Variants in UBR4 observed in about 807,000 individuals in gnomAD.
UBR4 encodes the protein ubiquitin protein ligase E3 component n-recognin 4.
A neutral mutation model predicts 575.6 loss-of-function variants in UBR4; 124 were observed. That is an observed-to-expected ratio of 0.22 (90% CI 0.19 to 0.25). The LOEUF is 0.25. UBR4 is among the 10% of genes least tolerant of loss of function. UBR4 has a pLI of 1.00. For missense variants in UBR4, 4,818 were observed against 6,478.8 expected (o/e 0.74, Z 8.80); for synonymous variants, 2,455 against 2,473.7 (o/e 0.99, Z 0.22).
At chr1:19,167,327 G>C (rs2088671015) in intron 28 of UBR4, 96 bp from the exon 29 acceptor site, 1 of 1,370,520 alleles carries the variant, frequency 7.3e-7, no homozygotes, top group Non-Finnish European at 1.0e-6. Context: ...CGGGGAAGAG[G>C]GGAAGGGGAA....
intron 83 of UBR4, 101 bp from the exon 84 acceptor site, chr1:19,105,943 T>C: frequency 4.2e-6 from 3 of 717,406 alleles, no homozygotes; most frequent in South Asian, 2.5e-5. Context: ...GGAGAGGTCT[T>C]CTGGGCACCT....
rs997670325 is a variant in UBR4 at position 19,187,197 on chromosome 1, C to T, written c.1599G>A (p.Leu533=). 5.0e-6 allele frequency: 8 copies of T among 1,613,038 alleles called. No individual in the cohort carries two copies. The Admixed American group carries it at 5.0e-5, about 10-fold the overall frequency. The change falls in exon 13 of 106, where the codon CTG becomes CTA. Residue 533 remains leucine, a synonymous_variant. Coordinates refer to ENST00000375254, the MANE Select transcript of UBR4 (RefSeq NM_020765.3). ...RLIDSVPLMN[L]LLTLLSTSYR... ...AGGAAGTTGAAAGTAACGTCAAGAGCAGGTTCATCAGTGGGACAGAGTCAA... is the reference window on the plus strand; with the variant it reads ...AGGAAGTTGAAAGTAACGTCAAGAGTAGGTTCATCAGTGGGACAGAGTCAA...
Position 19,086,713 on chromosome 1 carries a change from T to C in UBR4, c.14653A>G (p.Ile4885Val), listed in dbSNP as rs140045764. 2 of 1,614,156 alleles carry C rather than the reference T, an allele frequency of 1.2e-6. No individual in the cohort carries two copies. Among genetic ancestry groups the C allele is most frequent in the South Asian group, 1.1e-5 (1 of 91,078 alleles). Residue 4885 changes from isoleucine (I) to valine (V), a missense_variant, in exon 100 of 106, where the codon ATT (isoleucine) becomes GTT (valine). By Grantham distance (29) the Ile-to-Val change is conservative. Around this residue, in one of 29 missense-constraint regions of UBR4, gnomAD observed 196 missense variants for 386.8 expected, o/e 0.51. Transcript: ENST00000375254. ...QGYSTVSHFN[I>V]VHYDCHLAAV... is the part of the protein sequence containing the mutation. ...GCCAGATGGCAGTCGTAGTGCACAA[T>C]GTTGAAGTGGGACACGGTGCTGTAG...
rs140284259 is a variant in UBR4 at position 19,149,647 on chromosome 1, AAAG to A, written c.7430+927_7430+929del. On this transcript the variant is annotated intron_variant, in intron 49 of 105. Transcript: ENST00000375254. Reference sequence around the variant, plus strand: ...TGTAGCCATGCAATGACCAGAACAGAAAGAAGCAGGAAGACTCTTCAACAGAAG... The same window carrying A: ...TGTAGCCATGCAATGACCAGAACAGAAAGCAGGAAGACTCTTCAACAGAAG... 1.7e-4 allele frequency: 167 copies of A among 965,554 alleles called. No homozygotes were observed. In the African/African-American group the frequency reaches 2.8e-3, roughly 16 times the overall value. 59.8% of individuals were successfully genotyped at this position (965,554 alleles called of 1,614,324 possible). A position where few individuals can be genotyped will look rare whatever the true frequency, so the allele number is the denominator to read the frequency against.
intron 49 of UBR4, chr1:19,149,759 T>C (rs1268107292): frequency 1.5e-6 from 2 of 1,300,436 alleles, no homozygotes; most frequent in Admixed American, 4.7e-5. Context: ...GAGGGCATAC[T>C]AACCGGTCCA....
At chr1:19,082,713 G>A (rs2076640168) in intron 102 of UBR4, among the ~76,000 whole-genome samples, 1 of 152,220 alleles carries the variant, frequency 6.6e-6, no homozygotes, top group South Asian at 2.1e-4. Context: ...GGAGGAGAGG[G>A]TGCAAGGACA....
In UBR4 at chr1:19,156,414, C is replaced by G. The variant is rs756942749; in HGVS notation, c.5929G>C (p.Val1977Leu). The G allele has an allele frequency of 1.2e-6, 2 of 1,614,032 alleles. No homozygotes were observed. The highest frequency in any genetic ancestry group is 1.6e-4 in the Middle Eastern group (1 of 6,062). ...LAVCGLKDCH[V>L]LTFSSSGSVS... ...GAGCCTGAGCTACTAAAGGTGAGCA[C>G]ATGACAGTCCTGGACAATGTTTAAG... Residue 1977 changes from valine (V) to leucine (L), a missense_variant, in exon 42 of 106, where the codon GTG becomes CTG. Physicochemically the swap from Val to Leu is conservative, Grantham distance 32 (BLOSUM62 1). This residue lies in a region of UBR4 where 461 missense variants were observed against 606.9 expected (regional missense o/e 0.76). Coordinates refer to ENST00000375254, the MANE Select transcript of UBR4 (RefSeq NM_020765.3).
intron 22 of UBR4, among the ~76,000 whole-genome samples, chr1:19,174,085 G>A (rs936076318): frequency 1.3e-5 from 2 of 152,058 alleles, no homozygotes; most frequent in African/African-American, 4.8e-5. Flanking sequence ...CTTGGGGGGG[G>A]ACCACTAACT....
At chr1:19,078,128 G>T in intron 103 of UBR4, 62 bp from the exon 104 acceptor site, 1 of 1,533,558 alleles carries the variant, frequency 6.5e-7, no homozygotes, top group East Asian at 2.3e-5. Context: ...CAAGGACAGA[G>T]CAAGGCATGC....
At chr1:19,209,923 C>A (rs1188577629) in intron 1 of UBR4, 150 bp downstream of exon 1, 8 of 1,319,176 alleles carry the variant, frequency 6.1e-6, no homozygotes, top group Non-Finnish European at 7.8e-6. Context: ...CCAGGCAAGC[C>A]AGTCTCCCCG....
Position 19,117,736 on chromosome 1 carries a change from A to T in UBR4, c.10629+87T>A. On this transcript the variant is annotated intron_variant, in intron 72 of 105. Transcript: ENST00000375254. The surrounding 1 kb of genome is among the most constrained non-coding windows in gnomAD (Gnocchi z 4.0). ...GGTGACCAACCATTAGGAGAGGAACATCTATGTGATAATGATCCATCTCTG... is the reference window on the plus strand; with the variant it reads ...GGTGACCAACCATTAGGAGAGGAACTTCTATGTGATAATGATCCATCTCTG... 7.8e-7 allele frequency: 1 copy of T among 1,278,808 alleles called. No individual in the cohort carries two copies. Among genetic ancestry groups the T allele is most frequent in the Non-Finnish European group, 1.1e-6 (1 of 884,236 alleles). The allele number at this position is 1,278,808 out of a possible 1,614,324, so 79.2% of individuals were successfully genotyped here.
chr1:19,112,712 C>T lies in UBR4; in HGVS notation c.11613G>A (p.Lys3871=), dbSNP rs1397020669. The stretch of plus-strand genomic sequence containing the variant: ...TGACAGCCGAGGCGCAGCCATAGCA[C>T]TTGGTGGAGGATGTGTGGCCACAGC... ...VLGCGHTSST[K]CYGCASAVTE... The change falls in exon 78 of 106, where the codon AAG becomes AAA. Residue 3871 remains lysine, a synonymous_variant. Coordinates refer to ENST00000375254, the MANE Select transcript of UBR4 (RefSeq NM_020765.3). The T allele has an allele frequency of 1.2e-6, 2 of 1,614,120 alleles. No homozygotes were observed. Among genetic ancestry groups the T allele is most frequent in the Non-Finnish European group, 1.7e-6 (2 of 1,180,054 alleles).
At chr1:19,105,923 CACCCATCTAGGAGAGGT>C in intron 83 of UBR4, 81 bp from the exon 84 acceptor site, 1 of 1,078,398 alleles carries the variant, frequency 9.3e-7, no homozygotes, top group Non-Finnish European at 1.3e-6. Context: ...AGTCAACTGC[CACCCATCTAGGAGAGGT>C]CTTCTGGGCA....
intron 11 of UBR4, among the ~76,000 whole-genome samples, chr1:19,188,977 A>G (rs889662592): frequency 6.6e-6 from 1 of 152,204 alleles, no homozygotes; most frequent in Non-Finnish European, 1.5e-5. Flanking sequence ...TGTAAAAATA[A>G]TAATAAAAAA....
chr1:19,074,744 G>A lies in UBR4; in HGVS notation c.*88C>T, dbSNP rs888615698. ...GGGCGGGGTAACAATGCAGCATCCC[G>A]CGGAGGGAACTTAATGCACAAGGAG... On this transcript the variant is annotated 3_prime_UTR_variant, in exon 106 of 106. Coordinates refer to ENST00000375254, the MANE Select transcript of UBR4 (RefSeq NM_020765.3). 34 of 1,465,576 alleles carry A rather than the reference G, an allele frequency of 2.3e-5. No homozygotes were observed. Among genetic ancestry groups the A allele is most frequent in the Admixed American group, 1.9e-4 (10 of 53,440 alleles). 90.8% of individuals were successfully genotyped at this position (1,465,576 alleles called of 1,614,324 possible).
At chr1:19,107,045 C>T (rs2079288628) in intron 81 of UBR4, 79 bp from the exon 82 acceptor site, 9 of 1,562,558 alleles carry the variant, frequency 5.8e-6, no homozygotes, top group Non-Finnish European at 7.8e-6. Context: ...GGCACTGGTG[C>T]CCCAGGGGGT....
At chr1:19,149,503 G>C (rs148779567) in intron 49 of UBR4, among the ~76,000 whole-genome samples, 2 of 152,268 alleles carry the variant, frequency 1.3e-5, no homozygotes, top group African/African-American at 4.8e-5. Context: ...CATCCACTTA[G>C]AAAGGGAGCA....
At chr1:19,200,557 T>C (rs1026669152) in intron 2 of UBR4, among the ~76,000 whole-genome samples, 2 of 151,908 alleles carry the variant, frequency 1.3e-5, no homozygotes, top group African/African-American at 4.8e-5. Context: ...TGAGACCAGC[T>C]TGGGCCAGCA....
intron 82 of UBR4, 41 bp downstream of exon 82, chr1:19,106,796 C>T (rs1342209538): frequency 3.1e-6 from 5 of 1,605,838 alleles, no homozygotes; most frequent in African/African-American, 2.7e-5. Context: ...GCTGTCAGAG[C>T]GCAGGCAGGA....
Sources: gnomAD v4.1 joint callset for allele counts (sites outside exome capture counted in the v4.1 genomes callset) on GRCh38, gnomAD v4.1.1 for gene constraint, gnomAD v4.1.1 regional missense constraint, Gnocchi (gnomAD v3.1) non-coding constraint, MANE v1.5 for transcripts, NCBI Gene and HGNC (gene_info 2026-07-23, HGNC 2026-07-21) for gene names.